SPIDR: variants seen among roughly 807,000 people sequenced by gnomAD.
SPIDR encodes scaffold protein involved in DNA repair, also known as DNA repair-scaffolding protein.
A neutral mutation model predicts 104.6 loss-of-function variants in SPIDR; 93 were observed. That is an observed-to-expected ratio of 0.89 (90% CI 0.75 to 1.06). The LOEUF is 1.06. SPIDR is among the 50% of genes least tolerant of loss of function. The probability of loss-of-function intolerance (pLI) is 0.00; values close to 1 mark genes in which losing one functional copy is unlikely to be tolerated. For synonymous variants in SPIDR, 431 were observed against 416.9 expected (o/e 1.03, Z -0.41); for missense variants, 1,154 against 1,111.2 (o/e 1.04, Z -0.55).
chr8:47,520,841 T>A (rs1225872291), intron 8 of SPIDR, among the ~76,000 whole-genome samples: 1 of 152,026 alleles, frequency 6.6e-6, no homozygotes, highest in Non-Finnish European at 1.5e-5. Context: ...GAAAGTAGGG[T>A]TTGCTGATGG....
intron 10 of SPIDR, among the ~76,000 whole-genome samples, chr8:47,650,367 A>G (rs967912587): frequency 6.6e-6 from 1 of 152,212 alleles, no homozygotes; most frequent in Admixed American, 6.5e-5. Context: ...AGCTGCAAAA[A>G]TTAGAATAAA....
chr8:47,474,417 A>G (rs2076059592), intron 8 of SPIDR, among the ~76,000 whole-genome samples: 1 of 152,220 alleles, frequency 6.6e-6, no homozygotes, highest in South Asian at 2.1e-4. Context: ...GGAATAATGC[A>G]AAGGGTATAA....
chr8:47,684,120 C>T (rs2077440020), intron 11 of SPIDR, among the ~76,000 whole-genome samples: 1 of 103,584 alleles, frequency 9.7e-6, no homozygotes, highest in Admixed American at 1.4e-4. Context: ...GAACAAGACT[C>T]TGTCTCAAAA....
intron 8 of SPIDR, among the ~76,000 whole-genome samples, chr8:47,517,263 G>GGT (rs2083308904): frequency 6.6e-6 from 1 of 152,132 alleles, no homozygotes; most frequent in Non-Finnish European, 1.5e-5. Flanking sequence ...TAGGATGACA[G>GGT]GTGTGAGCCA....
In SPIDR at chr8:47,494,807, C is replaced by G. The variant is rs1052805211; in HGVS notation, c.1097+54265C>G. Among the ~76,000 whole-genome samples the G allele has an allele frequency of 2.6e-5, 4 of 152,322 alleles. No individual in the cohort carries two copies. In the East Asian group the frequency reaches 7.7e-4, roughly 29 times the overall value. On this transcript the variant is annotated intron_variant, in intron 8 of 19. Coordinates refer to ENST00000297423, the MANE Select transcript of SPIDR (RefSeq NM_001080394.4). Reference sequence around the variant, plus strand: ...CCCATCTCTAAGGATTTCTTTCACTCTCACTCAGCTTGCCCTGCTAGTTCT... The same window carrying G: ...CCCATCTCTAAGGATTTCTTTCACTGTCACTCAGCTTGCCCTGCTAGTTCT...
chr8:47,735,643 A>G lies in SPIDR; in HGVS notation c.*193A>G. On this transcript the variant is annotated 3_prime_UTR_variant, in exon 20 of 20. Transcript: ENST00000297423. Reference sequence around the variant, plus strand: ...TGTAAATCAAAATACCTTTTTCTACAGTTTATCTTTTATTTTCTGCAAATT... The same window carrying G: ...TGTAAATCAAAATACCTTTTTCTACGGTTTATCTTTTATTTTCTGCAAATT... 1 of 1,151,110 alleles carries G rather than the reference A, an allele frequency of 8.7e-7. No homozygotes were observed. The highest frequency in any genetic ancestry group is 1.2e-6 in the Non-Finnish European group (1 of 842,590). The allele number at this position is 1,151,110 out of a possible 1,614,324, so 71.3% of individuals were successfully genotyped here.
chr8:47,639,071 A>G (rs2154446042), intron 10 of SPIDR, among the ~76,000 whole-genome samples: 1 of 152,366 alleles, frequency 6.6e-6, no homozygotes, highest in South Asian at 2.1e-4. Context: ...TTTAACTACC[A>G]ATTGTCAAAT....
intron 8 of SPIDR, among the ~76,000 whole-genome samples, chr8:47,560,099 G>A (rs2056874530): frequency 6.6e-6 from 1 of 152,148 alleles, no homozygotes; most frequent in Non-Finnish European, 1.5e-5. Context: ...CATTTTGTTG[G>A]CTGAACTAAA....
intron 3 of SPIDR, among the ~76,000 whole-genome samples, chr8:47,285,234 C>A (rs2038611010): frequency 6.6e-6 from 1 of 152,296 alleles, no homozygotes; most frequent in African/African-American, 2.4e-5. Context: ...AACTAACTTC[C>A]TGTGACATTC....
At chr8:47,537,952 G>A (rs7007700) in intron 8 of SPIDR, among the ~76,000 whole-genome samples, 5 of 152,100 alleles carry the variant, frequency 3.3e-5, no homozygotes, top group African/African-American at 1.2e-4. Flanking sequence ...TGAGGCGGGC[G>A]GATCATTTGA....
chr8:47,589,138 A>G (rs2060678613), intron 8 of SPIDR, among the ~76,000 whole-genome samples: 1 of 145,426 alleles, frequency 6.9e-6, no homozygotes, highest in South Asian at 2.1e-4. Context: ...GACAGTGTGT[A>G]GAATTGGTGC....
chr8:47,502,444 T>C (rs1349584584), intron 8 of SPIDR, among the ~76,000 whole-genome samples: 2 of 152,226 alleles, frequency 1.3e-5, no homozygotes, highest in Non-Finnish European at 2.9e-5. Context: ...GTTTATATTA[T>C]TCTCTGATGG....
intron 7 of SPIDR, among the ~76,000 whole-genome samples, chr8:47,432,592 T>G (rs2067557940): frequency 6.6e-6 from 1 of 152,144 alleles, no homozygotes; most frequent in Non-Finnish European, 1.5e-5. Flanking sequence ...AAACAAGAAG[T>G]ACAGTGATAA....
At chr8:47,496,863 T>C (rs994547943) in intron 8 of SPIDR, among the ~76,000 whole-genome samples, 2 of 152,068 alleles carry the variant, frequency 1.3e-5, no homozygotes, top group South Asian at 4.1e-4. Flanking sequence ...TTTAAGTTAC[T>C]GACTTAATTT....
At chr8:47,518,139 T>C (rs1022838128) in intron 8 of SPIDR, among the ~76,000 whole-genome samples, 2 of 152,180 alleles carry the variant, frequency 1.3e-5, no homozygotes, top group African/African-American at 4.8e-5. Context: ...TGTGAAAGAG[T>C]GCATTGGTGG....
intron 7 of SPIDR, among the ~76,000 whole-genome samples, chr8:47,420,440 C>G (rs1250998326): frequency 6.6e-6 from 1 of 152,054 alleles, no homozygotes; most frequent in Non-Finnish European, 1.5e-5. Context: ...ATTGCAACCC[C>G]TGCCTTTTTT....
chr8:47,313,259 G>C (rs1409201368), intron 5 of SPIDR, among the ~76,000 whole-genome samples: 2 of 152,022 alleles, frequency 1.3e-5, no homozygotes, highest in South Asian at 2.1e-4. Flanking sequence ...CATTCTTCTA[G>C]ACCAATAACA....
At chr8:47,614,160 G>A (rs940451779) in intron 10 of SPIDR, among the ~76,000 whole-genome samples, 4 of 151,996 alleles carry the variant, frequency 2.6e-5, no homozygotes, top group East Asian at 1.9e-4. Flanking sequence ...TGGGGATAAC[G>A]GCTCCCAGCT....
rs988980018 is a variant in SPIDR, at chr8:47,486,500, C to T, written c.1097+45958C>T. 9.2e-5 allele frequency among the ~76,000 whole-genome samples: 14 copies of T among 152,050 alleles called. No individual in the cohort carries two copies. In the Middle Eastern group the frequency reaches 0.01, roughly 111 times the overall value. Reference sequence around the variant, plus strand: ...ACATTCAAATTCAGGAAATAGAGAACGCCACAAAGATACTCCTCGAGAAGA... The same window carrying T: ...ACATTCAAATTCAGGAAATAGAGAATGCCACAAAGATACTCCTCGAGAAGA... On this transcript the variant is annotated intron_variant, in intron 8 of 19. Transcript: ENST00000297423.
Sources: gnomAD v4.1 joint callset for allele counts (sites outside exome capture counted in the v4.1 genomes callset) on GRCh38, gnomAD v4.1.1 for gene constraint, MANE v1.5 for transcripts, NCBI Gene and HGNC (gene_info 2026-07-23, HGNC 2026-07-21) for gene names.